The following JPH2 variants were observed in gnomAD, a reference collection of about 807,000 sequenced individuals.
JPH2 encodes junctophilin-2.
A neutral mutation model predicts 55.9 loss-of-function variants in JPH2; 38 were observed. The observed-to-expected ratio is 0.68, with a 90% CI of 0.52 to 0.89. JPH2 has a LOEUF of 0.89. JPH2 is among the 40% of genes least tolerant of loss of function. The probability of loss-of-function intolerance (pLI) is 0.00; values close to 1 mark genes in which losing one functional copy is unlikely to be tolerated. For synonymous variants in JPH2, 480 were observed against 472.4 expected (o/e 1.02, Z -0.21); for missense variants, 964 against 1,037.6 (o/e 0.93, Z 0.97).
intron 1 of JPH2, among the ~76,000 whole-genome samples, chr20:44,171,519 C>T (rs1401566701): frequency 6.6e-6 from 1 of 152,162 alleles, no homozygotes; most frequent in African/African-American, 2.4e-5. Flanking sequence ...CTGTGACCCA[C>T]AAAACCCTCA....
intron 2 of JPH2, among the ~76,000 whole-genome samples, chr20:44,148,700 A>T (rs960528381): frequency 6.6e-6 from 1 of 151,840 alleles, no homozygotes; most frequent in African/African-American, 2.4e-5. Context: ...GCATCTCTGA[A>T]CACCTGCAAG....
In JPH2 at chr20:44,159,942, TCGGCCTCGAAGGGTG is replaced by T; in HGVS notation, c.830_844del (p.Ala277_Ala281del). On this transcript the variant is annotated inframe_deletion, in exon 2 of 6. Coordinates refer to ENST00000372980, the MANE Select transcript of JPH2 (RefSeq NM_020433.5). This position sits in a 1 kb window ranked among gnomAD's most constrained non-coding sequence, Gnocchi z 5.7. The stretch of plus-strand genomic sequence containing the variant: ...GGTCTCGGTGGTGGTGGCGTCGATA[TCGGCCTCGAAGGGTG>T]CGGCCTCGTCGGCGCCCTCGGCGGC... The T allele has an allele frequency of 6.4e-7, 1 of 1,566,112 alleles. No individual in the cohort carries two copies.
chr20:44,140,945 G>A (rs2072452192), intron 2 of JPH2, among the ~76,000 whole-genome samples: 1 of 152,184 alleles, frequency 6.6e-6, no homozygotes, highest in South Asian at 2.1e-4. Context: ...AGGAACGAGT[G>A]TTATCTAACC....
At chr20:44,175,402 G>A (rs2072726320) in intron 1 of JPH2, among the ~76,000 whole-genome samples, 1 of 152,220 alleles carries the variant, frequency 6.6e-6, no homozygotes. Flanking sequence ...CCTTCGGTGA[G>A]CATTTAGACT....
chr20:44,158,258 G>A (rs191868651), intron 2 of JPH2, among the ~76,000 whole-genome samples: 118 of 152,330 alleles, frequency 7.7e-4, no homozygotes, highest in African/African-American at 2.7e-3. Flanking sequence ...GAGGTTAAGT[G>A]AGTGGCAAAG....
intron 2 of JPH2, among the ~76,000 whole-genome samples, chr20:44,132,347 GACAGACAGACACACACACACACACACAC>G: frequency 1.1e-5 from 1 of 88,830 alleles, no homozygotes; most frequent in South Asian, 3.1e-4. Flanking sequence ...AAGGGAGGCA[GACAGACAGACACACACACACACACACAC>G]ACACACACAC....
At chr20:44,114,923 A>G (rs1170823140) in intron 4 of JPH2, 47 bp from the exon 5 acceptor site, 2 of 1,439,228 alleles carry the variant, frequency 1.4e-6, no homozygotes, top group East Asian at 4.7e-5. Context: ...GGCCTCGGAG[A>G]CACCCCCCAC....
rs2072130101 is a variant in JPH2 at position 44,109,917 on chromosome 20, CAGAGACCTCA to C, written c.*3591_*3600del. Among the ~76,000 whole-genome samples the C allele has an allele frequency of 6.6e-6, 1 of 152,116 alleles. No homozygotes were observed. The highest frequency in any genetic ancestry group is 1.9e-4 in the East Asian group (1 of 5,188). On this transcript the variant is annotated 3_prime_UTR_variant, in exon 6 of 6. Transcript: ENST00000372980. ...CTTTCACTGCCCTGGAAGAGTCCTG[CAGAGACCTCA>C]AGGCAGTGGGCCAGCATTGCTTTTA...
intron 2 of JPH2, among the ~76,000 whole-genome samples, chr20:44,134,507 T>TAAATATATATTTATTATATATAAATA (rs1439255309): frequency 2.4e-4 from 1 of 4,084 alleles, no homozygotes; most frequent in African/African-American, 1.5e-3. Context: ...TATATATAAA[T>TAAATATATATTTATTATATATAAATA]AATATATATT....
At chr20:44,185,366 G>A (rs1472813241) in intron 1 of JPH2, among the ~76,000 whole-genome samples, 3 of 151,958 alleles carry the variant, frequency 2.0e-5, no homozygotes, top group South Asian at 2.1e-4. Flanking sequence ...TCCCACACCT[G>A]TAATCCCAGC....
At chr20:44,118,009 G>A (rs1002593235) in intron 3 of JPH2, among the ~76,000 whole-genome samples, 2 of 152,186 alleles carry the variant, frequency 1.3e-5, no homozygotes, top group Non-Finnish European at 2.9e-5. Flanking sequence ...GGGAAGCAGC[G>A]GAATCAGGGT....
intron 2 of JPH2, among the ~76,000 whole-genome samples, chr20:44,135,219 T>G (rs1600843974): frequency 1.3e-5 from 2 of 151,900 alleles, no homozygotes; most frequent in African/African-American, 4.8e-5. Flanking sequence ...GTCTTAAACC[T>G]CTGCTTAAAA....
chr20:44,141,668 TTA>T (rs2072457632), intron 2 of JPH2, among the ~76,000 whole-genome samples: 1 of 149,068 alleles, frequency 6.7e-6, no homozygotes, highest in African/African-American at 2.6e-5. Flanking sequence ...GCTAATATTT[TTA>T]TTTTTTTATT....
chr20:44,153,579 C>T (rs115304596), intron 2 of JPH2, among the ~76,000 whole-genome samples: 2,102 of 152,280 alleles, frequency 0.014, 54 homozygotes, highest in African/African-American at 0.049. Context: ...CAGACAGATG[C>T]CACCCTGGTA....
At chr20:44,177,141 G>A (rs1003021478) in intron 1 of JPH2, 2 of 985,466 alleles carry the variant, frequency 2.0e-6, no homozygotes, top group Non-Finnish European at 1.2e-6. Context: ...GGAGGGAGGT[G>A]TGCCAGCCCT....
At chr20:44,151,766 T>A (rs748590436) in intron 2 of JPH2, among the ~76,000 whole-genome samples, 6 of 152,186 alleles carry the variant, frequency 3.9e-5, no homozygotes, top group Admixed American at 6.5e-5. Flanking sequence ...CGTACTAACC[T>A]GGCCCTGGGC....
intron 2 of JPH2, among the ~76,000 whole-genome samples, chr20:44,126,084 C>T (rs6073341): frequency 0.13 from 18,924 of 145,858 alleles, 1,378 homozygotes; most frequent in South Asian, 0.21. Context: ...TATGATTATG[C>T]CACTGCACTT....
chr20:44,138,126 GC>G (rs954053048), intron 2 of JPH2, among the ~76,000 whole-genome samples: 95 of 150,254 alleles, frequency 6.3e-4, no homozygotes, highest in African/African-American at 2.3e-3. Flanking sequence ...TTCTGCCTCA[GC>G]CTCCTGAGTA....
intron 2 of JPH2, among the ~76,000 whole-genome samples, chr20:44,123,901 T>A (rs1006672149): frequency 6.6e-6 from 1 of 152,106 alleles, no homozygotes; most frequent in African/African-American, 2.4e-5. Context: ...ATGTTTTCCT[T>A]TTAGCACCAG....
Sources: allele counts gnomAD v4.1 joint callset (sites outside exome capture counted in the v4.1 genomes callset), GRCh38; gene constraint gnomAD v4.1.1; non-coding constraint Gnocchi (gnomAD v3.1); transcripts MANE v1.5; gene names NCBI Gene and HGNC (gene_info 2026-07-23, HGNC 2026-07-21).